ZFHX3: variants seen among roughly 807,000 people sequenced by gnomAD.
The protein encoded by ZFHX3 is zinc finger homeobox 3, also known as zinc finger homeobox protein 3.
A neutral mutation model predicts 279.1 loss-of-function variants in ZFHX3; 42 were observed. The observed-to-expected ratio is 0.15, with a 90% CI of 0.12 to 0.19. The LOEUF is 0.19. Ranked by LOEUF, ZFHX3 falls within the 10% of genes least tolerant of loss-of-function variation. ZFHX3 has a pLI of 1.00. For synonymous variants in ZFHX3, 2,293 were observed against 1,957.8 expected (o/e 1.17, Z -4.52); for missense variants, 4,981 against 4,754.0 (o/e 1.05, Z -1.40).
chr16:73,673,959 C>G (rs1016439947), intron 2 of ZFHX3, among the ~76,000 whole-genome samples: 1 of 152,140 alleles, frequency 6.6e-6, no homozygotes, highest in Non-Finnish European at 1.5e-5. Context: ...AGGTGACGAA[C>G]ACCAAACAAA....
chr16:73,365,907 T>C (rs942659982), intron 3 of ZFHX3, among the ~76,000 whole-genome samples: 4 of 152,150 alleles, frequency 2.6e-5, no homozygotes, highest in African/African-American at 9.7e-5. Context: ...GAGATGTATC[T>C]ACAAGAGTGG....
intron 1 of ZFHX3, among the ~76,000 whole-genome samples, chr16:73,732,119 G>A (rs1439576763): frequency 3.3e-5 from 5 of 152,124 alleles, no homozygotes; most frequent in South Asian, 2.1e-4. Flanking sequence ...GTAAAAAAGA[G>A]TACAGTTTTC....
chr16:73,836,984 A>G (rs2142364415), intron 1 of ZFHX3, among the ~76,000 whole-genome samples: 1 of 152,316 alleles, frequency 6.6e-6, no homozygotes, highest in African/African-American at 2.4e-5. Context: ...CCTTCACCAG[A>G]AGCTGAGCAG....
At chr16:73,483,382 G>A (rs183109588) in intron 2 of ZFHX3, 573 of 455,602 alleles carry the variant, frequency 1.3e-3, no homozygotes, top group Non-Finnish European at 2.0e-3. Flanking sequence ...CCTCAAGAGA[G>A]CCGGGAGCCA....
chr16:73,338,606 T>C (rs569182322), intron 3 of ZFHX3, among the ~76,000 whole-genome samples: 3 of 152,182 alleles, frequency 2.0e-5, no homozygotes, highest in African/African-American at 7.2e-5. Flanking sequence ...AACTTGCCAA[T>C]ATATGACTGC....
At chr16:72,869,865 T>G (rs1379299367) in intron 4 of ZFHX3, among the ~76,000 whole-genome samples, 13 of 152,172 alleles carry the variant, frequency 8.5e-5, no homozygotes, top group Admixed American at 5.9e-4. Context: ...GGAACCACCA[T>G]AACTAACTGA....
chr16:72,903,530 C>T (rs1164765694), intron 3 of ZFHX3, among the ~76,000 whole-genome samples: 2 of 152,102 alleles, frequency 1.3e-5, no homozygotes, highest in African/African-American at 4.8e-5. Context: ...TCCAGATGCC[C>T]AAGATATAGC....
chr16:73,389,915 C>T (rs1001695158), intron 3 of ZFHX3, among the ~76,000 whole-genome samples: 13 of 152,110 alleles, frequency 8.5e-5, no homozygotes, highest in African/African-American at 3.1e-4. Flanking sequence ...CAAAAATTAG[C>T]CAGGTGTGGT....
intron 2 of ZFHX3, among the ~76,000 whole-genome samples, chr16:73,625,179 C>G (rs2052403612): frequency 6.6e-6 from 1 of 152,216 alleles, no homozygotes; most frequent in African/African-American, 2.4e-5. Context: ...TCAGCCTCAG[C>G]TAGATCTGCA....
intron 5 of ZFHX3, among the ~76,000 whole-genome samples, chr16:73,190,409 T>C (rs1968004777): frequency 6.6e-6 from 1 of 152,216 alleles, no homozygotes; most frequent in African/African-American, 2.4e-5. Context: ...CAAGTTTTCT[T>C]TGAGCTCACA....
chr16:73,185,464 A>G (rs1160790077), intron 5 of ZFHX3, among the ~76,000 whole-genome samples: 2 of 152,216 alleles, frequency 1.3e-5, no homozygotes, highest in Admixed American at 6.5e-5. Flanking sequence ...ACTCTTAACT[A>G]CTATAGATCA....
At chr16:73,756,614 A>C (rs73600023) in intron 1 of ZFHX3, among the ~76,000 whole-genome samples, 188 of 152,216 alleles carry the variant, frequency 1.2e-3, no homozygotes, top group African/African-American at 4.5e-3. Context: ...TCGGCTGCAC[A>C]ATTAGGTTAG....
chr16:73,644,609 C>G (rs1354609235), intron 2 of ZFHX3, among the ~76,000 whole-genome samples: 7 of 152,014 alleles, frequency 4.6e-5, no homozygotes, highest in African/African-American at 1.2e-4. Context: ...TGCAGTGAGC[C>G]GAGATTGTGC....
rs1160136461 is a variant in ZFHX3 at position 72,800,088 on chromosome 16, G to A, written c.3906C>T (p.Leu1302=). 2 of 1,614,188 alleles carry A rather than the reference G, an allele frequency of 1.2e-6. No homozygotes were observed. The highest frequency in any genetic ancestry group is 1.3e-5 in the African/African-American group (1 of 75,050). Residue 1302 remains leucine, a synonymous_variant, in exon 8 of 10, where the codon CTC becomes CTT. Transcript: ENST00000268489. ...CATCTCGATCTGGAACAGCTGCTGG[G>A]AGGAACATGCTGCTTGGCATCACCA... ...PEMVMPSSMF[L]PAAVPDRDGN...
intron 7 of ZFHX3, among the ~76,000 whole-genome samples, chr16:72,805,102 C>G (rs1341669476): frequency 6.6e-6 from 1 of 152,018 alleles, no homozygotes; most frequent in Non-Finnish European, 1.5e-5. Context: ...CTCAGCCTCC[C>G]GAGTAGCTGG....
intron 7 of ZFHX3, among the ~76,000 whole-genome samples, chr16:73,102,072 C>T (rs1966238766): frequency 6.6e-6 from 1 of 151,898 alleles, no homozygotes; most frequent in Admixed American, 6.6e-5. Flanking sequence ...TGCCACTGCG[C>T]CTGGCTAATT....
chr16:73,648,492 T>A (rs1460062512), intron 2 of ZFHX3, among the ~76,000 whole-genome samples: 1 of 152,182 alleles, frequency 6.6e-6, no homozygotes, highest in Non-Finnish European at 1.5e-5. Flanking sequence ...TGGGTTCAAG[T>A]GATTCTCCTG....
intron 1 of ZFHX3, among the ~76,000 whole-genome samples, chr16:73,018,560 C>A (rs1964186724): frequency 6.6e-6 from 1 of 152,154 alleles, no homozygotes; most frequent in African/African-American, 2.4e-5. Flanking sequence ...AATCACACCA[C>A]TGCACTCCAG....
chr16:73,638,662 TG>T (rs2052548441), intron 2 of ZFHX3, among the ~76,000 whole-genome samples: 1 of 152,200 alleles, frequency 6.6e-6, no homozygotes, highest in Non-Finnish European at 1.5e-5. Flanking sequence ...ATTGTGTTTT[TG>T]TTGGCCAAGT....
Sources: gnomAD v4.1 joint callset for allele counts (sites outside exome capture counted in the v4.1 genomes callset) on GRCh38, gnomAD v4.1.1 for gene constraint, MANE v1.5 for transcripts, NCBI Gene and HGNC (gene_info 2026-07-23, HGNC 2026-07-21) for gene names.